Variants in PSKH1 observed in about 807,000 individuals in gnomAD.
The protein encoded by PSKH1 is serine/threonine-protein kinase H1.
In PSKH1, 12 loss-of-function variants were observed where a neutral mutation model predicts 26.7. That is an observed-to-expected ratio of 0.45 (90% CI 0.29 to 0.73). The LOEUF (loss-of-function observed/expected upper bound fraction) is 0.73, where lower values mean the gene tolerates loss of function less well. PSKH1 is among the 30% of genes least tolerant of loss of function. The pLI is 0.11. For missense variants in PSKH1, 431 were observed against 595.2 expected (o/e 0.72, Z 2.87); for synonymous variants, 213 against 234.3 (o/e 0.91, Z 0.83).
At chr16:67,922,246 G>A (rs533814481) in intron 2 of PSKH1, among the ~76,000 whole-genome samples, 6 of 152,256 alleles carry the variant, frequency 3.9e-5, no homozygotes, top group South Asian at 4.1e-4. Context: ...ACAGGGTGCC[G>A]TTCTTGTTGT....
At chr16:67,894,112 A>G (rs954836232) in intron 1 of PSKH1, among the ~76,000 whole-genome samples, 1 of 152,226 alleles carries the variant, frequency 6.6e-6, no homozygotes, top group African/African-American at 2.4e-5. Context: ...TATTGTTGTT[A>G]AAACGTGTGG....
At chr16:67,898,897 A>G (rs1401668180) in intron 1 of PSKH1, among the ~76,000 whole-genome samples, 1 of 152,168 alleles carries the variant, frequency 6.6e-6, no homozygotes, top group Non-Finnish European at 1.5e-5. Flanking sequence ...CTGGGATTAC[A>G]GGTGTGAGCC....
chr16:67,901,332 T>TTTTC (rs769140969), intron 1 of PSKH1, among the ~76,000 whole-genome samples: 2 of 152,110 alleles, frequency 1.3e-5, no homozygotes, highest in Admixed American at 1.3e-4. Flanking sequence ...CTTTATTTTG[T>TTTTC]TTTCTTTCTT....
intron 1 of PSKH1, among the ~76,000 whole-genome samples, chr16:67,902,014 C>A (rs1377847375): frequency 6.6e-6 from 1 of 152,068 alleles, no homozygotes; most frequent in East Asian, 1.9e-4. Flanking sequence ...AATTCCAACA[C>A]TTTAGGAGGC....
chr16:67,896,101 C>T (rs1159220661), intron 1 of PSKH1, among the ~76,000 whole-genome samples: 1 of 151,152 alleles, frequency 6.6e-6, no homozygotes, highest in Non-Finnish European at 1.5e-5. Flanking sequence ...AAGGTCTTGT[C>T]TTCTTTTTTC....
intron 2 of PSKH1, among the ~76,000 whole-genome samples, chr16:67,926,985 TCA>T (rs945848120): frequency 5.9e-5 from 9 of 152,130 alleles, no homozygotes; most frequent in Non-Finnish European, 1.3e-4. Context: ...AAAGTTTGAA[TCA>T]TTCTCTAACA....
intron 1 of PSKH1, among the ~76,000 whole-genome samples, chr16:67,896,445 G>T (rs2058126652): frequency 6.6e-6 from 1 of 151,970 alleles, no homozygotes; most frequent in Admixed American, 6.6e-5. Context: ...TTGTTCTTCA[G>T]GGTTAGTTGT....
Position 67,909,309 on chromosome 16 carries a change from A to G in PSKH1, c.560A>G (p.Lys187Arg). ...GGELFDRIIA[K>R]GSFTERDATR... The stretch of plus-strand genomic sequence containing the variant: ...GAGCTCTTTGACCGCATCATTGCCA[A>G]GGGCTCCTTCACCGAGCGTGACGCC... Residue 187 changes from lysine (K) to arginine (R), a missense_variant, in exon 2 of 3, where the codon AAG becomes AGG. Transcript: ENST00000291041. The surrounding 1 kb of genome is among the most constrained non-coding windows in gnomAD (Gnocchi z 7.8). 6.2e-7 allele frequency: 1 copy of G among 1,614,020 alleles called. No homozygotes were observed. The highest frequency in any genetic ancestry group is 8.5e-7 in the Non-Finnish European group (1 of 1,179,998).
intron 1 of PSKH1, 136 bp from the exon 2 acceptor site, chr16:67,908,544 C>T: frequency 2.0e-6 from 1 of 510,712 alleles, no homozygotes. Context: ...GTTGGGATTA[C>T]AGGTGTGAGC....
At position 67,909,211 on chromosome 16, in the gene PSKH1, C is replaced by T. The variant is rs776297411; in HGVS notation, c.462C>T (p.Asn154=). The T allele has an allele frequency of 4.6e-5, 74 of 1,614,014 alleles. 1 individual carries two copies. In the South Asian group the frequency reaches 7.8e-4, roughly 17 times the overall value. ...LRVLRRVRHA[N]IIQLVEVFET... The stretch of plus-strand genomic sequence containing the variant: ...TGCTGCGTCGGGTGCGTCATGCCAA[C>T]ATCATCCAGCTGGTGGAGGTGTTCG... Residue 154 remains asparagine (N), a synonymous_variant, in exon 2 of 3, where the codon AAC becomes AAT. Transcript: ENST00000291041. This position sits in a 1 kb window ranked among gnomAD's most constrained non-coding sequence, Gnocchi z 7.8.
chr16:67,895,300 A>G (rs1042193137), intron 1 of PSKH1, among the ~76,000 whole-genome samples: 1 of 151,946 alleles, frequency 6.6e-6, no homozygotes, highest in African/African-American at 2.4e-5. Context: ...CCTGGGCTCA[A>G]GCAGTCCTCC....
In PSKH1 at chr16:67,927,820, C is replaced by T; in HGVS notation, c.*178C>T. The T allele has an allele frequency of 1.3e-6, 1 of 743,432 alleles. No homozygotes were observed. The highest frequency in any genetic ancestry group is 2.1e-6 in the Non-Finnish European group (1 of 469,170). The allele number at this position is 743,432 out of a possible 1,614,324, so 46.1% of individuals were successfully genotyped here. A position where few individuals can be genotyped will look rare whatever the true frequency, so the allele number is the denominator to read the frequency against. On this transcript the variant is annotated 3_prime_UTR_variant, in exon 3 of 3. Transcript: ENST00000291041. This position sits in a 1 kb window ranked among gnomAD's most constrained non-coding sequence, Gnocchi z 5.5. ...CCCTGTCCTCACCATGGGCCTGGGC[C>T]AGGTGTGACAGAGTAGAGGTAGCAC...
chr16:67,898,920 C>T (rs560874814), intron 1 of PSKH1, among the ~76,000 whole-genome samples: 14 of 152,212 alleles, frequency 9.2e-5, no homozygotes, highest in Admixed American at 2.0e-4. Context: ...TGCGCCCAGC[C>T]GGTAGACAGT....
intron 1 of PSKH1, among the ~76,000 whole-genome samples, chr16:67,905,690 C>T (rs892225105): frequency 1.3e-5 from 2 of 152,036 alleles, no homozygotes; most frequent in African/African-American, 2.4e-5. Flanking sequence ...AACCCTTTCT[C>T]TCTACTAAAA....
chr16:67,917,322 T>G (rs1016157725), intron 2 of PSKH1, among the ~76,000 whole-genome samples: 20 of 152,240 alleles, frequency 1.3e-4, no homozygotes, highest in Non-Finnish European at 7.3e-5. Flanking sequence ...AGTGCTGCAG[T>G]CTGCTCTCCC....
rs770838620 is a variant in PSKH1, at chr16:67,927,394, C to T, written c.1027C>T (p.Arg343Cys). Residue 343 changes from arginine to cysteine, a missense_variant, in exon 3 of 3, where the codon CGT (arginine) becomes TGT (cysteine). Physicochemically the swap from Arg to Cys is radical, Grantham distance 180 (BLOSUM62 -3). Transcript: ENST00000291041. The surrounding 1 kb of genome is among the most constrained non-coding windows in gnomAD (Gnocchi z 5.5). ...DRLLTVDPGA[R>C]MTALQALRHP... ...CCTGCTGACAGTGGACCCTGGAGCC[C>T]GTATGACTGCACTGCAGGCCCTGAG... 2.5e-6 allele frequency: 4 copies of T among 1,614,064 alleles called. No homozygotes were observed. The highest frequency in any genetic ancestry group is 1.7e-5 in the Admixed American group (1 of 60,002).
At chr16:67,900,442 C>A (rs1403696414) in intron 1 of PSKH1, among the ~76,000 whole-genome samples, 1 of 152,088 alleles carries the variant, frequency 6.6e-6, no homozygotes, top group African/African-American at 2.4e-5. Context: ...TAAAGCAGAC[C>A]CTTCAGGAAA....
Position 67,927,996 on chromosome 16 carries a change from C to T in PSKH1, c.*354C>T. ...ACTTTTCCCCAATCAAAGGGAACTG[C>T]AGTGCTGGGTGGAGTGTCCTGTGGC... On this transcript the variant is annotated 3_prime_UTR_variant, in exon 3 of 3. Transcript: ENST00000291041. This position sits in a 1 kb window ranked among gnomAD's most constrained non-coding sequence, Gnocchi z 5.5. 1 of 293,620 alleles carries T rather than the reference C, an allele frequency of 3.4e-6. No homozygotes were observed. The highest frequency in any genetic ancestry group is 6.5e-6 in the Non-Finnish European group (1 of 154,558). 18.2% of individuals were successfully genotyped at this position (293,620 alleles called of 1,614,324 possible). A position where few individuals can be genotyped will look rare whatever the true frequency, so the allele number is the denominator to read the frequency against.
chr16:67,914,604 G>C (rs2058181888), intron 2 of PSKH1, among the ~76,000 whole-genome samples: 1 of 152,068 alleles, frequency 6.6e-6, no homozygotes, highest in African/African-American at 2.4e-5. Context: ...ACAGGAGTGT[G>C]CCACCATGCC....
Sources: gnomAD v4.1 joint callset for allele counts (sites outside exome capture counted in the v4.1 genomes callset) on GRCh38, gnomAD v4.1.1 for gene constraint, Gnocchi (gnomAD v3.1) non-coding constraint, MANE v1.5 for transcripts, NCBI Gene and HGNC (gene_info 2026-07-23, HGNC 2026-07-21) for gene names.